The following CCDC3 variants were observed in gnomAD, a reference collection of about 807,000 sequenced individuals.
CCDC3 encodes the protein coiled-coil domain-containing protein 3.
A neutral mutation model predicts 21.4 loss-of-function variants in CCDC3; 24 were observed. The observed-to-expected ratio is 1.12, with a 90% CI of 0.81 to 1.58. The LOEUF (loss-of-function observed/expected upper bound fraction) is 1.58. Ranked by LOEUF, CCDC3 falls within the 40% of genes most tolerant of loss-of-function variation. The pLI is 0.00. For synonymous variants in CCDC3, 186 were observed against 166.0 expected (o/e 1.12, Z -0.93); for missense variants, 425 against 360.9 (o/e 1.18, Z -1.44).
At chr10:12,957,506 G>T (rs534741367) in intron 2 of CCDC3, among the ~76,000 whole-genome samples, 1 of 152,320 alleles carries the variant, frequency 6.6e-6, no homozygotes, top group Admixed American at 6.5e-5. Context: ...TGTTCCTGCC[G>T]CAGTCTCACG....
rs1834191585 is a variant in CCDC3, at chr10:12,907,502, A to G, written c.550-8823T>C. 2.0e-5 allele frequency among the ~76,000 whole-genome samples: 3 copies of G among 152,076 alleles called. No individual in the cohort carries two copies. In the South Asian group the frequency reaches 6.2e-4, roughly 32 times the overall value. ...TCTACTAAAAATAGAAAAATTAGCC[A>G]GGTGTGGTGGTGCACACCTATACTC... On this transcript the variant is annotated intron_variant, in intron 2 of 2. Transcript: ENST00000378825.
At chr10:13,029,885 G>A (rs905991002) in intron 5 of CCDC3, among the ~76,000 whole-genome samples, 9 of 152,138 alleles carry the variant, frequency 5.9e-5, no homozygotes, top group African/African-American at 1.9e-4. Context: ...TGAAAGTGAC[G>A]GGGAGAATGG....
At chr10:13,090,031 T>TTAGATAGA (rs1314262953) in intron 3 of CCDC3, among the ~76,000 whole-genome samples, 5 of 7,828 alleles carry the variant, frequency 6.4e-4, no homozygotes, top group African/African-American at 8.0e-4. Flanking sequence ...TAGTATTCCG[T>TTAGATAGA]TAGATATATA....
intron 4 of CCDC3, among the ~76,000 whole-genome samples, chr10:13,067,072 C>T (rs777158009): frequency 2.6e-4 from 40 of 152,182 alleles, no homozygotes; most frequent in Non-Finnish European, 4.3e-4. Context: ...TTTCCCCTTT[C>T]GCTTCCAAGC....
At chr10:13,019,237 AAAAGAAAG>A (rs1041735557) in intron 5 of CCDC3, among the ~76,000 whole-genome samples, 2 of 150,290 alleles carry the variant, frequency 1.3e-5, no homozygotes, top group Non-Finnish European at 3.0e-5. Context: ...CTGTCTTTAA[AAAAGAAAG>A]AAAGAAAGAA....
intron 5 of CCDC3, among the ~76,000 whole-genome samples, chr10:13,022,148 G>A (rs1836154985): frequency 1.3e-5 from 2 of 152,242 alleles, no homozygotes; most frequent in South Asian, 2.1e-4. Context: ...GAGAGTACAG[G>A]AAATTCACTA....
At chr10:12,937,737 C>A (rs912773596) in intron 2 of CCDC3, among the ~76,000 whole-genome samples, 1 of 152,228 alleles carries the variant, frequency 6.6e-6, no homozygotes, top group Non-Finnish European at 1.5e-5. Flanking sequence ...AGCTTGCAGG[C>A]ATGGCTAAGA....
intron 1 of CCDC3, among the ~76,000 whole-genome samples, 163 bp downstream of exon 1, chr10:13,001,034 G>A (rs1468179720): frequency 6.6e-6 from 1 of 152,174 alleles, no homozygotes; most frequent in African/African-American, 2.4e-5. Flanking sequence ...GACGTCAGAC[G>A]GAGCAAGAAA....
chr10:13,090,011 T>C (rs533741571), intron 3 of CCDC3, among the ~76,000 whole-genome samples: 104 of 149,998 alleles, frequency 6.9e-4, no homozygotes, highest in African/African-American at 2.5e-3. Context: ...CATTCCTTTT[T>C]ATGGCTGAGT....
intron 2 of CCDC3, among the ~76,000 whole-genome samples, chr10:12,908,429 G>A (rs575577950): frequency 1.0e-3 from 155 of 152,186 alleles, no homozygotes; most frequent in African/African-American, 3.5e-3. Context: ...GCTCAGTTAC[G>A]AGCGGTCTCC....
At chr10:13,074,143 ATATATATATATTTTTT>A (rs1475375544) in intron 3 of CCDC3, 88 of 19,914 alleles carry the variant, frequency 4.4e-3, no homozygotes, top group Admixed American at 0.02. Context: ...ATATATATAT[ATATATATATATTTTTT>A]TTTTTTTTTT....
intron 2 of CCDC3, among the ~76,000 whole-genome samples, chr10:12,938,951 C>T (rs1278859083): frequency 6.6e-6 from 1 of 152,208 alleles, no homozygotes; most frequent in Non-Finnish European, 1.5e-5. Context: ...TTTAAATAAA[C>T]ACACACAATA....
At chr10:13,051,661 T>G (rs1445172322) in intron 4 of CCDC3, among the ~76,000 whole-genome samples, 1 of 152,028 alleles carries the variant, frequency 6.6e-6, no homozygotes, top group African/African-American at 2.4e-5. Context: ...CTGGGGAATA[T>G]CTAAAGTCTG....
intron 2 of CCDC3, among the ~76,000 whole-genome samples, chr10:12,952,018 G>A (rs532644776): frequency 6.6e-6 from 1 of 152,036 alleles, no homozygotes; most frequent in African/African-American, 2.4e-5. Flanking sequence ...CATAGGCCAC[G>A]AGTATACCCT....
At chr10:12,984,571 A>G (rs1043186783) in intron 2 of CCDC3, among the ~76,000 whole-genome samples, 14 of 152,200 alleles carry the variant, frequency 9.2e-5, no homozygotes, top group African/African-American at 3.1e-4. Context: ...ACACCCATGA[A>G]AAATGAAAGC....
At chr10:13,024,064 T>C (rs897680294) in intron 5 of CCDC3, among the ~76,000 whole-genome samples, 30 of 152,298 alleles carry the variant, frequency 2.0e-4, no homozygotes, top group African/African-American at 7.0e-4. Context: ...TCTGTGCCTC[T>C]TACCTCTGCC....
Position 13,067,888 on chromosome 10 carries a change from A to C in CCDC3, c.-270+5980T>G, listed in dbSNP as rs533068184. ...CAGCTTAATTAAAAGTGGATATCCAAGTTATAAGTATATTTAAAAGGTCTT... is the reference window on the plus strand; with the variant it reads ...CAGCTTAATTAAAAGTGGATATCCACGTTATAAGTATATTTAAAAGGTCTT... On this transcript the variant is annotated intron_variant, in intron 4 of 6. Coordinates refer to the CCDC3 transcript ENST00000378839. 3.1e-5 allele frequency among the ~76,000 whole-genome samples: 4 copies of C among 127,638 alleles called. No homozygotes were observed. In the South Asian group the frequency reaches 8.8e-4, roughly 28 times the overall value. 83.7% of individuals were successfully genotyped at this position (127,638 alleles called of 152,430 possible).
intron 5 of CCDC3, among the ~76,000 whole-genome samples, chr10:13,040,483 T>C (rs1458510979): frequency 6.6e-6 from 1 of 152,024 alleles, no homozygotes; most frequent in Non-Finnish European, 1.5e-5. Flanking sequence ...GGCAGGTGGA[T>C]TACCTGAGGT....
intron 2 of CCDC3, among the ~76,000 whole-genome samples, chr10:12,915,872 G>A (rs4750283): frequency 0.15 from 22,131 of 151,944 alleles, 1,738 homozygotes; most frequent in African/African-American, 0.19. Flanking sequence ...CTGAGTCCAT[G>A]AAGGCAACCC....
Sources: gnomAD v4.1 joint callset for allele counts (sites outside exome capture counted in the v4.1 genomes callset) on GRCh38, gnomAD v4.1.1 for gene constraint, MANE v1.5 for transcripts, NCBI Gene and HGNC (gene_info 2026-07-23, HGNC 2026-07-21) for gene names.